The following MORC3 variants were observed in gnomAD, a reference collection of about 807,000 sequenced individuals.
The protein encoded by MORC3 is MORC family CW-type zinc finger protein 3.
A neutral mutation model predicts 109.1 loss-of-function variants in MORC3; 31 were observed. The ratio of observed to expected loss-of-function variants is 0.28; its 90% confidence interval spans 0.21 to 0.38. The LOEUF (loss-of-function observed/expected upper bound fraction) is 0.38. Among genes scored for constraint, MORC3 ranks in the 10% least tolerant of loss-of-function variants. The probability of loss-of-function intolerance (pLI) is 1.00; values close to 1 mark genes in which losing one functional copy is unlikely to be tolerated. For synonymous variants in MORC3, 395 were observed against 380.7 expected (o/e 1.04, Z -0.44); for missense variants, 867 against 1,135.8 (o/e 0.76, Z 3.40).
At chr21:36,355,339 C>T (rs2085633583) in intron 9 of MORC3, among the ~76,000 whole-genome samples, 1 of 152,174 alleles carries the variant, frequency 6.6e-6, no homozygotes, top group South Asian at 2.1e-4. Flanking sequence ...CAGTCCTTTA[C>T]TGGCAAGTTA....
chr21:36,357,767 G>A (rs2085661876), intron 10 of MORC3, among the ~76,000 whole-genome samples: 1 of 146,004 alleles, frequency 6.8e-6, no homozygotes. Flanking sequence ...TTGAAATGGA[G>A]TCTCACTCTG....
At chr21:36,345,133 T>C (rs2085493240) in intron 8 of MORC3, 102 bp downstream of exon 8, 1 of 1,236,018 alleles carries the variant, frequency 8.1e-7, no homozygotes, top group East Asian at 2.6e-5. Flanking sequence ...ATTGTACCTT[T>C]TGCCTATAGC....
At chr21:36,368,192 TGAA>T (rs915562124) in intron 14 of MORC3, among the ~76,000 whole-genome samples, 3 of 152,168 alleles carry the variant, frequency 2.0e-5, no homozygotes, top group African/African-American at 7.2e-5. Flanking sequence ...ATGATGCAAA[TGAA>T]GAAATTGGGG....
intron 3 of MORC3, 57 bp from the exon 4 acceptor site, chr21:36,337,675 A>T: frequency 9.1e-7 from 1 of 1,099,272 alleles, no homozygotes; most frequent in Non-Finnish European, 1.3e-6. Flanking sequence ...GTATTTATTT[A>T]TTTATTTATT....
chr21:36,375,541 A>G lies in MORC3; in HGVS notation c.*245A>G. 2.9e-6 allele frequency: 1 copy of G among 342,992 alleles called. No homozygotes were observed. Among genetic ancestry groups the G allele is most frequent in the Non-Finnish European group, 5.3e-6 (1 of 186,986 alleles). 21.2% of individuals were successfully genotyped at this position (342,992 alleles called of 1,614,324 possible). A position where few individuals can be genotyped will look rare whatever the true frequency, so the allele number is the denominator to read the frequency against. Reference sequence around the variant, plus strand: ...TCATGACTCTGTTTTGAATGTAAATATTTGTAATTAAGCCTGCACATATTT... The same window carrying G: ...TCATGACTCTGTTTTGAATGTAAATGTTTGTAATTAAGCCTGCACATATTT... On this transcript the variant is annotated 3_prime_UTR_variant, in exon 17 of 17. Coordinates refer to ENST00000400485, the MANE Select transcript of MORC3 (RefSeq NM_015358.3).
At chr21:36,372,000 A>C (rs2085874887) in intron 15 of MORC3, among the ~76,000 whole-genome samples, 2 of 151,814 alleles carry the variant, frequency 1.3e-5, no homozygotes, top group African/African-American at 4.8e-5. Context: ...TTTTGTAGAG[A>C]TGGGGTTTCT....
chr21:36,358,789 C>G (rs1601533167), intron 10 of MORC3, among the ~76,000 whole-genome samples: 2 of 151,898 alleles, frequency 1.3e-5, no homozygotes, highest in Admixed American at 1.3e-4. Flanking sequence ...ATACAATTCT[C>G]CTGCCTCAGC....
At chr21:36,353,747 ATTTTTGTAT>A (rs1569101630) in intron 9 of MORC3, among the ~76,000 whole-genome samples, 2 of 65,510 alleles carry the variant, frequency 3.1e-5, no homozygotes, top group African/African-American at 1.7e-4. Flanking sequence ...AGCCCGGCTA[ATTTTTGTAT>A]TTTTTTTTTT....
chr21:36,356,511 T>C (rs944378815), intron 9 of MORC3, 109 bp from the exon 10 acceptor site: 8 of 541,126 alleles, frequency 1.5e-5, no homozygotes, highest in Middle Eastern at 5.3e-4. Flanking sequence ...TTATTAACTA[T>C]ATGTTTTGGA....
intron 1 of MORC3, among the ~76,000 whole-genome samples, chr21:36,324,898 G>C (rs1334802441): frequency 2.0e-5 from 3 of 151,882 alleles, no homozygotes; most frequent in Non-Finnish European, 4.4e-5. Flanking sequence ...TAATAGAGAT[G>C]GTGTTTTACC....
intron 10 of MORC3, among the ~76,000 whole-genome samples, chr21:36,357,441 T>C (rs1049765990): frequency 6.6e-6 from 1 of 152,150 alleles, no homozygotes; most frequent in South Asian, 2.1e-4. Context: ...AAAAGTTTTA[T>C]ACAGGTGGGG....
intron 12 of MORC3, 78 bp downstream of exon 12, chr21:36,360,336 C>T: frequency 7.2e-7 from 1 of 1,385,020 alleles, no homozygotes; most frequent in South Asian, 1.2e-5. Flanking sequence ...TTATTTGATG[C>T]TTCTCCAAGG....
At chr21:36,349,788 T>C (rs967113121) in intron 9 of MORC3, among the ~76,000 whole-genome samples, 2 of 152,228 alleles carry the variant, frequency 1.3e-5, no homozygotes, top group African/African-American at 2.4e-5. Flanking sequence ...CCTATAGACG[T>C]GGTCTCTGGT....
chr21:36,326,613 A>C (rs2085250445), intron 1 of MORC3, among the ~76,000 whole-genome samples: 1 of 152,124 alleles, frequency 6.6e-6, no homozygotes, highest in Non-Finnish European at 1.5e-5. Context: ...TTAGGAATCC[A>C]CTGAGGGTCT....
chr21:36,367,047 G>T (rs1283920014), intron 14 of MORC3, among the ~76,000 whole-genome samples: 1 of 152,188 alleles, frequency 6.6e-6, no homozygotes, highest in African/African-American at 2.4e-5. Flanking sequence ...AGATAGGGGT[G>T]AGAACCAGAG....
chr21:36,340,144 G>A (rs1001319032), intron 5 of MORC3, among the ~76,000 whole-genome samples: 13 of 152,104 alleles, frequency 8.5e-5, no homozygotes, highest in Admixed American at 8.5e-4. Flanking sequence ...TGGGCGCGGT[G>A]GCGGGCGCCT....
Position 36,320,207 on chromosome 21 carries a change from C to G in MORC3, c.-58C>G, listed in dbSNP as rs1206783598. 3 of 1,553,654 alleles carry G rather than the reference C, an allele frequency of 1.9e-6. No individual in the cohort carries two copies. The highest frequency in any genetic ancestry group is 2.6e-6 in the Non-Finnish European group (3 of 1,147,944). On this transcript the variant is annotated 5_prime_UTR_variant, in exon 1 of 17. Coordinates refer to ENST00000400485, the MANE Select transcript of MORC3 (RefSeq NM_015358.3). ...TACCCATAGGGCTCCACAGTCGTTC[C>G]GCCACCTCCCAGTCGGGTTGCGGCG...
intron 12 of MORC3, chr21:36,360,531 C>G: frequency 4.7e-3 from 1 of 214 alleles, no homozygotes; most frequent in Non-Finnish European, 0.031. Flanking sequence ...TTAGTGAATA[C>G]CCCCCCCATT....
At chr21:36,337,225 C>A (rs1012435280) in intron 3 of MORC3, among the ~76,000 whole-genome samples, 13 of 152,146 alleles carry the variant, frequency 8.5e-5, no homozygotes, top group Admixed American at 3.3e-4. Context: ...CCTAAAAGTC[C>A]ACCATTCCTT....
Sources: allele counts gnomAD v4.1 joint callset (sites outside exome capture counted in the v4.1 genomes callset), GRCh38; gene constraint gnomAD v4.1.1; transcripts MANE v1.5; gene names NCBI Gene and HGNC (gene_info 2026-07-23, HGNC 2026-07-21).